The following PXK variants were observed in gnomAD, a reference collection of about 807,000 sequenced individuals.
PXK encodes PX domain containing serine/threonine kinase like.
A neutral mutation model predicts 84.7 loss-of-function variants in PXK; 35 were observed. That is an observed-to-expected ratio of 0.41 (90% CI 0.32 to 0.55). The LOEUF (loss-of-function observed/expected upper bound fraction) is 0.55. Ranked by LOEUF, PXK falls within the 20% of genes least tolerant of loss-of-function variation. PXK has a pLI of 0.21. For missense variants in PXK, 634 were observed against 699.7 expected (o/e 0.91, Z 1.06); for synonymous variants, 253 against 260.8 (o/e 0.97, Z 0.29).
chr3:58,354,977 A>G (rs892993262), intron 1 of PXK, among the ~76,000 whole-genome samples: 1 of 151,948 alleles, frequency 6.6e-6, no homozygotes, highest in African/African-American at 2.4e-5. Flanking sequence ...AAATTAGCCA[A>G]GCATGGTGGT....
At chr3:58,357,875 G>A (rs557911396) in intron 1 of PXK, among the ~76,000 whole-genome samples, 2 of 152,024 alleles carry the variant, frequency 1.3e-5, no homozygotes, top group African/African-American at 2.4e-5. Flanking sequence ...ATATGAACCC[G>A]GGAAGCAGAG....
chr3:58,421,928 T>A lies in PXK; in HGVS notation c.1529-2824T>A. On this transcript the variant is annotated intron_variant, in intron 17 of 17. Coordinates refer to ENST00000356151, the MANE Select transcript of PXK (RefSeq NM_017771.5). This position sits in a 1 kb window ranked among gnomAD's most constrained non-coding sequence, Gnocchi z 5.5. ...AGTCTAACATGGAATCGGTCTGCTC[T>A]CATATGTGGCCTGGAGATAAGGGTA... 1 of 985,406 alleles carries A rather than the reference T, an allele frequency of 1.0e-6. No individual in the cohort carries two copies. The highest frequency in any genetic ancestry group is 1.2e-6 in the Non-Finnish European group (1 of 829,934). 61.0% of individuals were successfully genotyped at this position (985,406 alleles called of 1,614,324 possible). A position where few individuals can be genotyped will look rare whatever the true frequency, so the allele number is the denominator to read the frequency against.
At position 58,383,568 on chromosome 3, in the gene PXK, T is replaced by C. The variant is rs781747639; in HGVS notation, c.388+868T>C. Among the ~76,000 whole-genome samples, 4 of 152,224 alleles carry C rather than the reference T, an allele frequency of 2.6e-5. No homozygotes were observed. The highest frequency in any genetic ancestry group is 5.9e-5 in the Non-Finnish European group (4 of 68,042). ...AGGAGGTCATTCTCTTCCAAATCTT[T>C]CCTGGATCAGGGCAGCCGCCAAGGT... is the stretch of plus-strand genomic sequence containing the variant. On this transcript the variant is annotated intron_variant, in intron 4 of 17. Coordinates refer to ENST00000356151, the MANE Select transcript of PXK (RefSeq NM_017771.5). The surrounding 1 kb of genome is among the most constrained non-coding windows in gnomAD (Gnocchi z 4.0).
At chr3:58,391,941 T>A in intron 7 of PXK, 94 bp downstream of exon 7, 2 of 1,167,752 alleles carry the variant, frequency 1.7e-6, no homozygotes, top group Non-Finnish European at 2.5e-6. Context: ...GAAAACAGAA[T>A]GGGGAGATAC....
chr3:58,425,818 T>C lies in PXK; in HGVS notation c.*858T>C, dbSNP rs2062738879. The stretch of plus-strand genomic sequence containing the variant: ...TAAATATATCAATATAGCATCTCTT[T>C]AATGTTAGTCATTTATTAGAAAGAT... On this transcript the variant is annotated 3_prime_UTR_variant, in exon 18 of 18. Coordinates refer to ENST00000356151, the MANE Select transcript of PXK (RefSeq NM_017771.5). The C allele has an allele frequency of 6.6e-6, 1 of 152,242 alleles. No homozygotes were observed. The highest frequency in any genetic ancestry group is 1.5e-5 in the Non-Finnish European group (1 of 68,038). The allele number at this position is 152,242 out of a possible 1,614,324, so 9.4% of individuals were successfully genotyped here.
At chr3:58,396,654 A>G (rs1355689177) in intron 9 of PXK, among the ~76,000 whole-genome samples, 3 of 152,250 alleles carry the variant, frequency 2.0e-5, no homozygotes, top group African/African-American at 7.2e-5. Flanking sequence ...AATTACTGGC[A>G]GAAGCACTGA....
At chr3:58,419,587 A>AG (rs749141155) in intron 17 of PXK, among the ~76,000 whole-genome samples, 2 of 152,232 alleles carry the variant, frequency 1.3e-5, no homozygotes, top group Non-Finnish European at 2.9e-5. Flanking sequence ...TTACACAGAA[A>AG]GGTGGAGGGA....
Position 58,396,528 on chromosome 3 carries a change from G to A in PXK, c.823-511G>A, listed in dbSNP as rs533436331. 2.6e-5 allele frequency among the ~76,000 whole-genome samples: 4 copies of A among 152,214 alleles called. No individual in the cohort carries two copies. The South Asian group carries it at 8.3e-4, about 32-fold the overall frequency. The stretch of plus-strand genomic sequence containing the variant: ...AGCCACTGATTATTTATATGGCAGC[G>A]GAAATATTTACTGCTTTTTCTGGGA... On this transcript the variant is annotated intron_variant, in intron 9 of 17. Transcript: ENST00000356151.
intron 17 of PXK, chr3:58,423,616 T>G: frequency 2.0e-6 from 3 of 1,471,624 alleles, no homozygotes; most frequent in Non-Finnish European, 2.7e-6. Context: ...TTAAGTAGGG[T>G]AGCTTTACCT....
chr3:58,409,666 T>C lies in PXK; in HGVS notation c.1395+48T>C, dbSNP rs2059904592. 1 of 1,477,908 alleles carries C rather than the reference T, an allele frequency of 6.8e-7. No homozygotes were observed. Among genetic ancestry groups the C allele is most frequent in the Non-Finnish European group, 9.3e-7 (1 of 1,078,268 alleles). 91.5% of individuals were successfully genotyped at this position (1,477,908 alleles called of 1,614,324 possible). On this transcript the variant is annotated intron_variant, in intron 15 of 17. Transcript: ENST00000356151. The surrounding 1 kb of genome is among the most constrained non-coding windows in gnomAD (Gnocchi z 4.2). ...GTCCCTCTATGAGTTCTTGAGTACATGTGAAGAAAGTTCTAGGTTAATGGT... is the reference window on the plus strand; with the variant it reads ...GTCCCTCTATGAGTTCTTGAGTACACGTGAAGAAAGTTCTAGGTTAATGGT...
At chr3:58,376,287 C>T (rs2098441543) in intron 3 of PXK, among the ~76,000 whole-genome samples, 1 of 152,066 alleles carries the variant, frequency 6.6e-6, no homozygotes, top group African/African-American at 2.4e-5. Context: ...TGGTGGCAGG[C>T]ACCTGTAATC....
At position 58,412,858 on chromosome 3, in the gene PXK, CT is replaced by C. The variant is rs1260725986; in HGVS notation, c.1466-40del. 1 of 1,605,272 alleles carries C rather than the reference CT, an allele frequency of 6.2e-7. No homozygotes were observed. Among genetic ancestry groups the C allele is most frequent in the South Asian group, 1.1e-5 (1 of 90,880 alleles). On this transcript the variant is annotated intron_variant, in intron 16 of 17. Coordinates refer to ENST00000356151, the MANE Select transcript of PXK (RefSeq NM_017771.5). This position sits in a 1 kb window ranked among gnomAD's most constrained non-coding sequence, Gnocchi z 6.2. Reference sequence around the variant, plus strand: ...CCAGCCTGGGCCAAATTCCAAATGTCTTTCGTTGGTCCCCATGAGGGTTTCT... The same window carrying C: ...CCAGCCTGGGCCAAATTCCAAATGTCTTCGTTGGTCCCCATGAGGGTTTCT...
chr3:58,392,247 C>G (rs753822373), intron 7 of PXK, among the ~76,000 whole-genome samples: 17 of 152,102 alleles, frequency 1.1e-4, no homozygotes, highest in Admixed American at 5.2e-4. Context: ...ATTTTTCTGT[C>G]TGAGTTACTA....
chr3:58,353,793 G>A (rs2108121344), intron 1 of PXK, among the ~76,000 whole-genome samples: 1 of 152,298 alleles, frequency 6.6e-6, no homozygotes, highest in African/African-American at 2.4e-5. Context: ...GGATATTTAG[G>A]TTATAAACAG....
intron 1 of PXK, among the ~76,000 whole-genome samples, chr3:58,337,990 T>G (rs1170710867): frequency 6.6e-6 from 1 of 152,248 alleles, no homozygotes; most frequent in African/African-American, 2.4e-5. Context: ...GAATTTGAAC[T>G]TCCTTTTAGA....
rs1560124300 is a variant in PXK at position 58,412,975 on chromosome 3, A to T, written c.1528+12A>T. 2.5e-6 allele frequency: 4 copies of T among 1,613,820 alleles called. No individual in the cohort carries two copies. Among genetic ancestry groups the T allele is most frequent in the Non-Finnish European group, 8.5e-7 (1 of 1,179,790 alleles). ...ACCCTCTACATCAGGTTAGTGATGG[A>T]GTAAAGTGACATGCCACCTTCCTGT... On this transcript the variant is annotated intron_variant, in intron 17 of 17. Coordinates refer to ENST00000356151, the MANE Select transcript of PXK (RefSeq NM_017771.5). The surrounding 1 kb of genome is among the most constrained non-coding windows in gnomAD (Gnocchi z 6.2).
At chr3:58,410,470 C>T (rs2060033994) in intron 16 of PXK, among the ~76,000 whole-genome samples, 2 of 152,190 alleles carry the variant, frequency 1.3e-5, no homozygotes, top group South Asian at 4.1e-4. Context: ...AAATGTAAGG[C>T]CTCCTGTTTT....
intron 1 of PXK, among the ~76,000 whole-genome samples, chr3:58,337,154 A>G (rs1450244681): frequency 6.6e-6 from 1 of 152,186 alleles, no homozygotes; most frequent in Non-Finnish European, 1.5e-5. Context: ...CATCTGGATC[A>G]GGGACTGTTT....
At chr3:58,366,299 T>C (rs2098271285) in intron 2 of PXK, among the ~76,000 whole-genome samples, 1 of 152,166 alleles carries the variant, frequency 6.6e-6, no homozygotes, top group Non-Finnish European at 1.5e-5. Context: ...TTGGTTATTG[T>C]ACAGTTTGGG....
Sources: allele counts gnomAD v4.1 joint callset (sites outside exome capture counted in the v4.1 genomes callset), GRCh38; gene constraint gnomAD v4.1.1; non-coding constraint Gnocchi (gnomAD v3.1); transcripts MANE v1.5; gene names NCBI Gene and HGNC (gene_info 2026-07-23, HGNC 2026-07-21).